The following CHD6 variants were observed in gnomAD, a reference collection of about 807,000 sequenced individuals.
CHD6 encodes ATP-dependent chromatin remodeler CHD6.
Under a neutral mutation model 276.9 loss-of-function variants are expected in CHD6, and 50 were observed. The ratio of observed to expected loss-of-function variants is 0.18; its 90% confidence interval spans 0.14 to 0.23. The LOEUF (loss-of-function observed/expected upper bound fraction) is 0.23. CHD6 is among the 10% of genes least tolerant of loss of function. The pLI, the probability that CHD6 is intolerant of heterozygous loss-of-function variation, is 1.00. For synonymous variants in CHD6, 1,173 were observed against 1,229.3 expected, an observed-to-expected ratio of 0.95 and a Z score of 0.96; for missense variants, 2,564 against 3,365.8, an observed-to-expected ratio of 0.76 and a Z score of 5.89.
intron 1 of CHD6, among the ~76,000 whole-genome samples, chr20:41,572,818 CCATT>C (rs1389042354): frequency 6.6e-6 from 1 of 152,150 alleles, no homozygotes; most frequent in Non-Finnish European, 1.5e-5. Flanking sequence ...TCCTCTTATC[CCATT>C]CAGAGTATAA....
intron 1 of CHD6, among the ~76,000 whole-genome samples, chr20:41,556,183 G>A (rs932756329): frequency 2.2e-4 from 34 of 152,314 alleles, no homozygotes; most frequent in African/African-American, 7.5e-4. Flanking sequence ...GGAGGTTGCA[G>A]TGAGCCGAGA....
chr20:41,530,353 G>A (rs1009098475), intron 3 of CHD6, among the ~76,000 whole-genome samples: 1 of 152,170 alleles, frequency 6.6e-6, no homozygotes, highest in Non-Finnish European at 1.5e-5. Flanking sequence ...CTGGCAAGAT[G>A]GACTGAGGGA....
At chr20:41,482,300 A>G (rs1048474200) in intron 16 of CHD6, among the ~76,000 whole-genome samples, 1 of 152,200 alleles carries the variant, frequency 6.6e-6, no homozygotes, top group African/African-American at 2.4e-5. Context: ...TTCATGTAAT[A>G]CAAGTCTCAA....
At chr20:41,433,086 A>G (rs1298324116) in intron 27 of CHD6, among the ~76,000 whole-genome samples, 1 of 152,132 alleles carries the variant, frequency 6.6e-6, no homozygotes, top group East Asian at 1.9e-4. Flanking sequence ...AACAGAAAAA[A>G]AAAAAAAATG....
intron 1 of CHD6, among the ~76,000 whole-genome samples, chr20:41,553,967 T>C (rs1327144493): frequency 6.6e-6 from 1 of 152,140 alleles, no homozygotes. Context: ...CTGGGCAACA[T>C]GGCAAAAACT....
intron 2 of CHD6, among the ~76,000 whole-genome samples, chr20:41,543,240 A>G (rs770793884): frequency 9.9e-5 from 15 of 152,258 alleles, no homozygotes; most frequent in African/African-American, 3.4e-4. Flanking sequence ...TCCATTTTAC[A>G]GAGTAGAAGC....
Position 41,516,687 on chromosome 20 carries a change from G to C in CHD6, c.555-1735C>G, listed in dbSNP as rs139083491. 1.2e-3 allele frequency among the ~76,000 whole-genome samples: 186 copies of C among 152,226 alleles called. 1 individual carries two copies. Among genetic ancestry groups the C allele is most frequent in the East Asian group, 8.1e-3 (42 of 5,172 alleles). On this transcript the variant is annotated intron_variant, in intron 3 of 36. Transcript: ENST00000373233. ...GCTGGCTCTGTGTCTGGATAACAGG[G>C]CAAGTGAACAGAAGCACTATGTGAT...
intron 35 of CHD6, 98 bp from the exon 36 acceptor site, chr20:41,412,361 A>C: frequency 7.2e-7 from 1 of 1,394,296 alleles, no homozygotes; most frequent in South Asian, 1.3e-5. Flanking sequence ...TGTTCTCGTC[A>C]ATGGTTGTCT....
chr20:41,542,772 C>G (rs1260447564), intron 2 of CHD6, among the ~76,000 whole-genome samples: 1 of 152,006 alleles, frequency 6.6e-6, no homozygotes, highest in Non-Finnish European at 1.5e-5. Context: ...GTCACAATGA[C>G]TCTAACCACC....
intron 1 of CHD6, among the ~76,000 whole-genome samples, chr20:41,559,147 GACAC>G (rs58169591): frequency 0.059 from 8,749 of 148,208 alleles, 783 homozygotes; most frequent in African/African-American, 0.19. Context: ...GCCTGTTCCT[GACAC>G]ACACACACAC....
At chr20:41,406,879 G>C (rs750171243) in intron 36 of CHD6, among the ~76,000 whole-genome samples, 1 of 152,200 alleles carries the variant, frequency 6.6e-6, no homozygotes, top group South Asian at 2.1e-4. Context: ...CCCAGGGGAG[G>C]TGTACAGTTT....
rs2048282302 is a variant in CHD6, at chr20:41,452,926, T to C, written c.3137A>G (p.Asp1046Gly). 1 of 1,613,786 alleles carries C rather than the reference T, an allele frequency of 6.2e-7. No individual in the cohort carries two copies. The highest frequency in any genetic ancestry group is 8.5e-7 in the Non-Finnish European group (1 of 1,179,910). ...AKNEKESLVIDRPRVRKQTKH... is the reference protein window; with the variant it reads ...AKNEKESLVIGRPRVRKQTKH... The stretch of plus-strand genomic sequence containing the variant: ...GGTCTGCTTTCTCACGCGAGGTCGG[T>C]CGATCACTAAGCTTTCCTAGAAATG... Residue 1046 changes from aspartate to glycine, a missense_variant, in exon 21 of 37, where the codon GAC becomes GGC. Transcript: ENST00000373233. The surrounding 1 kb of genome is among the most constrained non-coding windows in gnomAD (Gnocchi z 4.2).
intron 1 of CHD6, 57 bp from the exon 2 acceptor site, chr20:41,551,417 T>C: frequency 1.3e-6 from 1 of 759,946 alleles, no homozygotes; most frequent in East Asian, 2.8e-5. Flanking sequence ...TAAAACATTT[T>C]CAACATCTCC....
In CHD6 at chr20:41,504,403, CTTTTTTTTTTTTT is replaced by C. The variant is rs200549678; in HGVS notation, c.853-5059_853-5047del. On this transcript the variant is annotated intron_variant, in intron 5 of 36. Transcript: ENST00000373233. ...TCTTGTCCATCTTTTCCTCTATTTT[CTTTTTTTTTTTTT>C]TTTTTTTTTTAGACAGGATCTCACT... Among the ~76,000 whole-genome samples the C allele has an allele frequency of 7.3e-5, 8 of 109,966 alleles. No individual in the cohort carries two copies. The East Asian group carries it at 8.2e-4, about 11-fold the overall frequency. 72.1% of individuals were successfully genotyped at this position (109,966 alleles called of 152,430 possible).
intron 5 of CHD6, among the ~76,000 whole-genome samples, chr20:41,508,017 G>A (rs910008285): frequency 6.6e-6 from 1 of 152,134 alleles, no homozygotes; most frequent in Non-Finnish European, 1.5e-5. Context: ...AAACATATCT[G>A]TCTTAGAAAT....
At chr20:41,607,714 G>A (rs1464223558) in intron 1 of CHD6, among the ~76,000 whole-genome samples, 2 of 149,694 alleles carry the variant, frequency 1.3e-5, no homozygotes, top group Non-Finnish European at 1.5e-5. Context: ...CAAGAGGGAG[G>A]GGCAGAAAAC....
chr20:41,423,034 A>T (rs2047245290), intron 30 of CHD6, among the ~76,000 whole-genome samples: 1 of 152,192 alleles, frequency 6.6e-6, no homozygotes, highest in Admixed American at 6.5e-5. Flanking sequence ...ACATTTTTCA[A>T]AAGGGTTCTC....
rs143316868 is a variant in CHD6, at chr20:41,597,429, C to T, written c.-24+20911G>A. Among the ~76,000 whole-genome samples, 18 of 152,304 alleles carry T rather than the reference C, an allele frequency of 1.2e-4. No individual in the cohort carries two copies. In the East Asian group the frequency reaches 3.5e-3, roughly 29 times the overall value. ...GTCTGTCTTCTACCCTTTCCTTTCTCAGGACTCAAGGCCTCCTAGCGCAAA... is the reference window on the plus strand; with the variant it reads ...GTCTGTCTTCTACCCTTTCCTTTCTTAGGACTCAAGGCCTCCTAGCGCAAA... On this transcript the variant is annotated intron_variant, in intron 1 of 36. Coordinates refer to ENST00000373233, the MANE Select transcript of CHD6 (RefSeq NM_032221.5).
chr20:41,481,092 G>A (rs916341736), intron 16 of CHD6, among the ~76,000 whole-genome samples: 2 of 151,584 alleles, frequency 1.3e-5, no homozygotes, highest in East Asian at 1.9e-4. Flanking sequence ...GTGACAGAGC[G>A]AGACATTGTC....
Sources: gnomAD v4.1 joint callset for allele counts (sites outside exome capture counted in the v4.1 genomes callset) on GRCh38, gnomAD v4.1.1 for gene constraint, Gnocchi (gnomAD v3.1) non-coding constraint, MANE v1.5 for transcripts, NCBI Gene and HGNC (gene_info 2026-07-23, HGNC 2026-07-21) for gene names.